Variants in CHIC2 observed in about 807,000 individuals in gnomAD.
The protein encoded by CHIC2 is cysteine rich hydrophobic domain 2.
CHIC2 carries 14 observed loss-of-function variants against 25.9 expected under a neutral mutation model. The ratio of observed to expected loss-of-function variants is 0.54; its 90% CI spans 0.36 to 0.85. The LOEUF (loss-of-function observed/expected upper bound fraction) is 0.85. Ranked by LOEUF, CHIC2 falls within the 40% of genes least tolerant of loss-of-function variation. CHIC2 has a pLI of 0.01. For synonymous variants in CHIC2, 70 were observed against 72.0 expected (o/e 0.97, Z 0.14); for missense variants, 146 against 202.0 (o/e 0.72, Z 1.68).
At chr4:54,056,999 T>C (rs955672388) in intron 1 of CHIC2, among the ~76,000 whole-genome samples, 1 of 152,148 alleles carries the variant, frequency 6.6e-6, no homozygotes, top group African/African-American at 2.4e-5. Flanking sequence ...GAACAGAAAG[T>C]GCAGGTATGC....
At chr4:54,063,703 G>A (rs1321572113) in intron 1 of CHIC2, among the ~76,000 whole-genome samples, 1 of 152,246 alleles carries the variant, frequency 6.6e-6, no homozygotes, top group African/African-American at 2.4e-5. Flanking sequence ...GAAAAACTGG[G>A]AGACCTGTGG....
chr4:54,044,245 G>C (rs1298685044), intron 3 of CHIC2, among the ~76,000 whole-genome samples: 3 of 152,106 alleles, frequency 2.0e-5, no homozygotes, highest in South Asian at 2.1e-4. Context: ...AGATCAACAA[G>C]ACAGAAAGTT....
chr4:54,035,727 A>AT (rs1047287395), intron 3 of CHIC2, among the ~76,000 whole-genome samples: 1 of 151,776 alleles, frequency 6.6e-6, no homozygotes, highest in Non-Finnish European at 1.5e-5. Context: ...TCTGACCATT[A>AT]TTTTTTTCCC....
Position 54,058,536 on chromosome 4 carries a change from T to TCACATACA in CHIC2, c.119+5638_119+5645dup, listed in dbSNP as rs1456795699. ...CCCAATATTCTGATTGGGTCAAAAG[T>TCACATACA]CACATACACACATACACACACATAC... On this transcript the variant is annotated intron_variant, in intron 1 of 5. Coordinates refer to ENST00000263921, the MANE Select transcript of CHIC2 (RefSeq NM_012110.4). Among the ~76,000 whole-genome samples the TCACATACA allele has an allele frequency of 8.8e-3, 1,002 of 113,284 alleles. 6 individuals carry two copies. Among genetic ancestry groups the TCACATACA allele is most frequent in the Middle Eastern group, 0.025 (5 of 200 alleles). The allele number at this position is 113,284 out of a possible 152,430, so 74.3% of individuals were successfully genotyped here. A position where few individuals can be genotyped will look rare whatever the true frequency, so the allele number is the denominator to read the frequency against.
the CHIC2 span, chr4:54,076,674 G>A: frequency 6.6e-6 from 1 of 152,246 alleles, no homozygotes; most frequent in Non-Finnish European, 1.5e-5. Context: ...TTGGCCAGGT[G>A]TCTGTGATTT....
chr4:54,058,894 T>C (rs1182937809), intron 1 of CHIC2, among the ~76,000 whole-genome samples: 1 of 152,174 alleles, frequency 6.6e-6, no homozygotes, highest in Non-Finnish European at 1.5e-5. Context: ...ACATATAATT[T>C]ACTTTTCACC....
chr4:54,055,143 A>G (rs1164023006), intron 1 of CHIC2, among the ~76,000 whole-genome samples: 4 of 152,026 alleles, frequency 2.6e-5, no homozygotes, highest in Non-Finnish European at 5.9e-5. Flanking sequence ...AAATATATAT[A>G]TATTTTTTGT....
intron 3 of CHIC2, among the ~76,000 whole-genome samples, chr4:54,031,522 A>G (rs754065027): frequency 6.6e-6 from 1 of 152,130 alleles, no homozygotes; most frequent in Non-Finnish European, 1.5e-5. Context: ...ACTGAGAATA[A>G]TAATACTAAA....
At chr4:54,090,582 T>G in the CHIC2 span, among the ~76,000 whole-genome samples, 1 of 152,186 alleles carries the variant, frequency 6.6e-6, no homozygotes, top group Non-Finnish European at 1.5e-5. Context: ...TCAGGGAACG[T>G]CATCACACAT....
At chr4:54,086,282 G>A in the CHIC2 span, among the ~76,000 whole-genome samples, 1 of 151,900 alleles carries the variant, frequency 6.6e-6, no homozygotes, top group Non-Finnish European at 1.5e-5. Context: ...CAAGCAGAGG[G>A]GCATGGAGAA....
chr4:54,055,291 G>GT (rs1488592236), intron 1 of CHIC2, among the ~76,000 whole-genome samples: 2 of 152,068 alleles, frequency 1.3e-5, no homozygotes, highest in Non-Finnish European at 2.9e-5. Flanking sequence ...TACATTAAGC[G>GT]TAAGGCAGAA....
chr4:54,089,225 G>A, the CHIC2 span, among the ~76,000 whole-genome samples: 2 of 152,132 alleles, frequency 1.3e-5, no homozygotes, highest in East Asian at 1.9e-4. Flanking sequence ...ATCTGCAATC[G>A]GTTCTCCAAT....
the CHIC2 span, among the ~76,000 whole-genome samples, chr4:54,088,767 G>A: frequency 6.6e-6 from 1 of 152,242 alleles, no homozygotes; most frequent in Admixed American, 6.5e-5. Context: ...CTATGCAGTG[G>A]TGATGGCTTG....
chr4:54,046,678 C>G lies in CHIC2; in HGVS notation c.330+2277G>C, dbSNP rs867513350. On this transcript the variant is annotated intron_variant, in intron 3 of 5. Transcript: ENST00000263921. ...ATGGATTAAAGACTTACATGTTAGA[C>G]CTAAAACCATAAAAACCCTAGAAGA... 3.0e-4 allele frequency among the ~76,000 whole-genome samples: 45 copies of G among 152,246 alleles called. 1 individual carries two copies. The South Asian group carries it at 4.6e-3, about 15-fold the overall frequency.
At chr4:54,042,630 T>C (rs777308179) in intron 3 of CHIC2, among the ~76,000 whole-genome samples, 10 of 152,186 alleles carry the variant, frequency 6.6e-5, no homozygotes, top group South Asian at 2.1e-4. Flanking sequence ...ATAGCAGGCA[T>C]TGAAACAATG....
the CHIC2 span, chr4:54,087,263 T>C: frequency 8.3e-6 from 5 of 599,016 alleles, no homozygotes; most frequent in South Asian, 2.1e-5. Context: ...CGAGGACGCA[T>C]TTAAGAACAG....
At chr4:54,072,794 T>C in the CHIC2 span, among the ~76,000 whole-genome samples, 2 of 152,164 alleles carry the variant, frequency 1.3e-5, no homozygotes, top group African/African-American at 4.8e-5. Flanking sequence ...TGTGCGCGTC[T>C]GGGCGTGGTG....
chr4:54,032,109 A>C (rs1716245866), intron 3 of CHIC2, among the ~76,000 whole-genome samples: 1 of 152,190 alleles, frequency 6.6e-6, no homozygotes, highest in Non-Finnish European at 1.5e-5. Flanking sequence ...TAAAAGCACA[A>C]AGGAAATGAA....
rs890372083 is a variant in CHIC2 at position 54,009,933 on chromosome 4, C to T, written c.*162G>A. On this transcript the variant is annotated 3_prime_UTR_variant, in exon 6 of 6. Coordinates refer to ENST00000263921, the MANE Select transcript of CHIC2 (RefSeq NM_012110.4). Reference sequence around the variant, plus strand: ...TGTTGCAAAGATTGACAAAAATGCACACTTAGAACATGCGGTTATTTAAAA... The same window carrying T: ...TGTTGCAAAGATTGACAAAAATGCATACTTAGAACATGCGGTTATTTAAAA... 6 of 488,260 alleles carry T rather than the reference C, an allele frequency of 1.2e-5. No individual in the cohort carries two copies. Among genetic ancestry groups the T allele is most frequent in the Admixed American group, 3.9e-5 (1 of 25,610 alleles). The allele number at this position is 488,260 out of a possible 1,614,324, so 30.2% of individuals were successfully genotyped here.
Sources: allele counts gnomAD v4.1 joint callset (sites outside exome capture counted in the v4.1 genomes callset), GRCh38; gene constraint gnomAD v4.1.1; transcripts MANE v1.5; gene names NCBI Gene and HGNC (gene_info 2026-07-23, HGNC 2026-07-21).